Variants in F2 observed in about 807,000 individuals in gnomAD.
F2 encodes coagulation factor II, thrombin.
A neutral mutation model predicts 81.9 loss-of-function variants in F2; 34 were observed. That is an observed-to-expected ratio of 0.42 (90% CI 0.32 to 0.55). The LOEUF is 0.55. Among genes scored for constraint, F2 ranks in the 20% least tolerant of loss-of-function variants. The pLI is 0.18. For missense variants in F2, 630 were observed against 833.4 expected (o/e 0.76, Z 3.00); for synonymous variants, 296 against 326.4 (o/e 0.91, Z 1.01).
chr11:46,726,583 C>T lies in F2; in HGVS notation c.960C>T (p.Tyr320=). The change falls in exon 8 of 14, where the codon TAC becomes TAT. Residue 320 remains tyrosine (Y), a synonymous_variant. Coordinates refer to ENST00000311907, the MANE Select transcript of F2 (RefSeq NM_000506.5). This position sits in a 1 kb window ranked among gnomAD's most constrained non-coding sequence, Gnocchi z 5.9. The part of the protein sequence containing the change: ...AIEGRTATSE[Y]QTFFNPRTFG... ...AAGGGCGTACCGCCACCAGTGAGTACCAGACTTTCTTCAATCCGAGGACCT... is the reference window on the plus strand; with the variant it reads ...AAGGGCGTACCGCCACCAGTGAGTATCAGACTTTCTTCAATCCGAGGACCT... 6.2e-7 allele frequency: 1 copy of T among 1,614,120 alleles called. No individual in the cohort carries two copies. Among genetic ancestry groups the T allele is most frequent in the South Asian group, 1.1e-5 (1 of 91,082 alleles).
rs1352908308 is a variant in F2 at position 46,731,586 on chromosome 11, AAAAG to A, written c.1654+2026_1654+2029del. Among the ~76,000 whole-genome samples, 3 of 152,040 alleles carry A rather than the reference AAAAG, an allele frequency of 2.0e-5. No homozygotes were observed. In the South Asian group the frequency reaches 6.2e-4, roughly 32 times the overall value. On this transcript the variant is annotated intron_variant, in intron 12 of 13. Transcript: ENST00000311907. ...GTCTTTTATAGGGAAAAAAAAAAAA[AAAAG>A]CGTGTTTCTCACCCAGGATTCAATG...
chr11:46,728,731 C>A lies in F2; in HGVS notation c.1366C>A (p.Arg456=), dbSNP rs139552841. 1 of 1,614,078 alleles carries A rather than the reference C, an allele frequency of 6.2e-7. No homozygotes were observed. The highest frequency in any genetic ancestry group is 8.5e-7 in the Non-Finnish European group (1 of 1,180,040). The change falls in exon 11 of 14, where the codon CGG becomes AGG. Residue 456 remains arginine, a synonymous_variant. Coordinates refer to ENST00000311907, the MANE Select transcript of F2 (RefSeq NM_000506.5). The surrounding 1 kb of genome is among the most constrained non-coding windows in gnomAD (Gnocchi z 5.1). ...CTACATCCACCCCAGGTACAACTGG[C>A]GGGAGAACCTGGACCGGGACATTGC... The part of the protein sequence containing the change: ...KIYIHPRYNW[R]ENLDRDIALM...
At chr11:46,737,158 T>C (rs1441701063) in intron 12 of F2, among the ~76,000 whole-genome samples, 1 of 152,142 alleles carries the variant, frequency 6.6e-6, no homozygotes, top group African/African-American at 2.4e-5. Context: ...TTTCTTTTTT[T>C]TGAGATGGAG....
rs1208230115 is a variant in F2, at chr11:46,719,877, C to T, written c.240+15C>T. The T allele has an allele frequency of 2.6e-6, 4 of 1,556,210 alleles. No homozygotes were observed. The highest frequency in any genetic ancestry group is 3.5e-6 in the Non-Finnish European group (4 of 1,151,556). On this transcript the variant is annotated intron_variant, in intron 2 of 13. Transcript: ENST00000311907. This position sits in a 1 kb window ranked among gnomAD's most constrained non-coding sequence, Gnocchi z 4.7. Reference sequence around the variant, plus strand: ...CCACGGCTACGGTGAGCCTGGGCTGCTCGGACGGTGCCGGGGCCTCAGACC... The same window carrying T: ...CCACGGCTACGGTGAGCCTGGGCTGTTCGGACGGTGCCGGGGCCTCAGACC...
At chr11:46,737,746 T>C (rs2064953238) in intron 12 of F2, among the ~76,000 whole-genome samples, 1 of 152,004 alleles carries the variant, frequency 6.6e-6, no homozygotes, top group South Asian at 2.1e-4. Flanking sequence ...CCAGGCCTAT[T>C]ATTTTTCTAT....
chr11:46,730,069 G>T (rs572903450), intron 12 of F2, among the ~76,000 whole-genome samples: 1 of 152,282 alleles, frequency 6.6e-6, no homozygotes, highest in East Asian at 1.9e-4. Context: ...GCCAGACAAG[G>T]TGGGCAGATC....
intron 12 of F2, among the ~76,000 whole-genome samples, chr11:46,735,439 C>CAA (rs1257648028): frequency 7.0e-6 from 1 of 142,026 alleles, no homozygotes; most frequent in African/African-American, 2.6e-5. Flanking sequence ...GACTCCATCT[C>CAA]AAAAAAAAAA....
rs569605236 is a variant in F2, at chr11:46,727,085, G to T, written c.1130+248G>T. 1.6e-4 allele frequency among the ~76,000 whole-genome samples: 24 copies of T among 152,224 alleles called. No homozygotes were observed. The South Asian group carries it at 3.7e-3, about 24-fold the overall frequency. ...TGCTGCAATCTCGGCTCACTACCTC[G>T]ATCTCAGCTCACTGCAACTTCTGCC... On this transcript the variant is annotated intron_variant, in intron 9 of 13. Transcript: ENST00000311907.
At position 46,720,840 on chromosome 11, in the gene F2, G is replaced by A. The variant is rs2064831516; in HGVS notation, c.316G>A (p.Gly106Ser). Residue 106 changes from glycine (G) to serine (S), a missense_variant and splice_region_variant, in exon 4 of 14, where the codon GGT becomes AGT. Transcript: ENST00000311907. ...AGATAAGCTTGCTGCATGTCTGGAA[G>A]GTGAGCAACTGACACGGGTTTGGGG... Reference protein sequence around the residue: ...PRDKLAACLEGNCAEGLGTNY... With the variant: ...PRDKLAACLESNCAEGLGTNY... The A allele has an allele frequency of 1.9e-6, 3 of 1,613,974 alleles. No individual in the cohort carries two copies. The South Asian group carries it at 3.3e-5, about 18-fold the overall frequency.
chr11:46,724,777 T>TC (rs1181194876), intron 6 of F2, among the ~76,000 whole-genome samples: 1 of 151,708 alleles, frequency 6.6e-6, no homozygotes, highest in East Asian at 1.9e-4. Flanking sequence ...CTTTTTTTTT[T>TC]TTCTTTCTAA....
At chr11:46,721,945 T>A (rs1211303186) in intron 4 of F2, among the ~76,000 whole-genome samples, 1 of 151,526 alleles carries the variant, frequency 6.6e-6, no homozygotes, top group African/African-American at 2.4e-5. Flanking sequence ...CGGATTCAAG[T>A]GATTCTCCTG....
Position 46,723,277 on chromosome 11 carries a change from T to A in F2, c.414T>A (p.His138Gln). The A allele has an allele frequency of 6.2e-7, 1 of 1,613,984 alleles. No homozygotes were observed. The highest frequency in any genetic ancestry group is 8.5e-7 in the Non-Finnish European group (1 of 1,179,976). ...AGCTATGGAGGAGTCGCTACCCACA[T>A]AAGCCTGAGTGAGTGAGGGGCCGGC... ...ECQLWRSRYP[H>Q]KPEINSTTHP... Residue 138 changes from histidine to glutamine, a missense_variant, in exon 5 of 14, where the codon CAT (histidine) becomes CAA (glutamine). Transcript: ENST00000311907. The surrounding 1 kb of genome is among the most constrained non-coding windows in gnomAD (Gnocchi z 5.6).
Position 46,719,579 on chromosome 11 carries a change from A to G in F2, c.80-123A>G, listed in dbSNP as rs1592407536. 7.5e-7 allele frequency: 1 copy of G among 1,340,994 alleles called. No homozygotes were observed. The highest frequency in any genetic ancestry group is 1.0e-6 in the Non-Finnish European group (1 of 972,936). The allele number at this position is 1,340,994 out of a possible 1,614,324, so 83.1% of individuals were successfully genotyped here. A position where few individuals can be genotyped will look rare whatever the true frequency, so the allele number is the denominator to read the frequency against. ...ATTTAGCAGCCTTCCAGGCACTTCC[A>G]CCAGCCCAGACAGCCTCTCTCAGAA... is the stretch of plus-strand genomic sequence containing the variant. On this transcript the variant is annotated intron_variant, in intron 1 of 13. Transcript: ENST00000311907. The surrounding 1 kb of genome is among the most constrained non-coding windows in gnomAD (Gnocchi z 4.7).
In F2 at chr11:46,728,613, C is replaced by T; in HGVS notation, c.1299-51C>T. ...CCCAAGGGCAGGCAGTTTCCTGCTCCTTGCTGGGTGAACCTGCAGCTTCTC... is the reference window on the plus strand; with the variant it reads ...CCCAAGGGCAGGCAGTTTCCTGCTCTTTGCTGGGTGAACCTGCAGCTTCTC... On this transcript the variant is annotated intron_variant, in intron 10 of 13. Coordinates refer to ENST00000311907, the MANE Select transcript of F2 (RefSeq NM_000506.5). The surrounding 1 kb of genome is among the most constrained non-coding windows in gnomAD (Gnocchi z 5.1). 1 of 1,609,602 alleles carries T rather than the reference C, an allele frequency of 6.2e-7. No individual in the cohort carries two copies. The highest frequency in any genetic ancestry group is 8.5e-7 in the Non-Finnish European group (1 of 1,176,758).
intron 12 of F2, among the ~76,000 whole-genome samples, chr11:46,733,195 C>T (rs1161925153): frequency 6.6e-6 from 1 of 152,134 alleles, no homozygotes; most frequent in East Asian, 1.9e-4. Flanking sequence ...ATGCATTTGC[C>T]TATTTGAACA....
Position 46,726,137 on chromosome 11 carries a change from C to A in F2, c.838C>A (p.Pro280Thr), listed in dbSNP as rs752006910. 1.2e-6 allele frequency: 2 copies of A among 1,613,968 alleles called. No individual in the cohort carries two copies. Among genetic ancestry groups the A allele is most frequent in the Non-Finnish European group, 1.7e-6 (2 of 1,180,040 alleles). The change falls in exon 7 of 14, where the codon CCT (proline) becomes ACT (threonine). Residue 280 changes from proline (P) to threonine (T), a missense_variant. By Grantham distance (38) the Pro-to-Thr change is conservative. Transcript: ENST00000311907. This position sits in a 1 kb window ranked among gnomAD's most constrained non-coding sequence, Gnocchi z 5.9. The stretch of plus-strand genomic sequence containing the variant: ...CGTGTGGTGCTATGTGGCCGGGAAG[C>A]CTGGCGACTTTGGGTACTGCGACCT... The part of the protein sequence containing the change: ...EGVWCYVAGK[P>T]GDFGYCDLNY...
At position 46,728,546 on chromosome 11, in the gene F2, A is replaced by G. The variant is rs2064890808; in HGVS notation, c.1299-118A>G. 1 of 1,176,718 alleles carries G rather than the reference A, an allele frequency of 8.5e-7. No individual in the cohort carries two copies. The highest frequency in any genetic ancestry group is 1.2e-6 in the Non-Finnish European group (1 of 800,408). 72.9% of individuals were successfully genotyped at this position (1,176,718 alleles called of 1,614,324 possible). A position where few individuals can be genotyped will look rare whatever the true frequency, so the allele number is the denominator to read the frequency against. On this transcript the variant is annotated intron_variant, in intron 10 of 13. Transcript: ENST00000311907. The surrounding 1 kb of genome is among the most constrained non-coding windows in gnomAD (Gnocchi z 5.1). ...GGCTGCCATGGCAGGAACCAGCCCTATCCCCTCCCTGGTGGCCTGCAGGAC... is the reference window on the plus strand; with the variant it reads ...GGCTGCCATGGCAGGAACCAGCCCTGTCCCCTCCCTGGTGGCCTGCAGGAC...
Position 46,728,528 on chromosome 11 carries a change from A to G in F2, c.1299-136A>G. ...AGGAAGAAACACCCAGGGGGCTGCCATGGCAGGAACCAGCCCTATCCCCTC... is the reference window on the plus strand; with the variant it reads ...AGGAAGAAACACCCAGGGGGCTGCCGTGGCAGGAACCAGCCCTATCCCCTC... On this transcript the variant is annotated intron_variant, in intron 10 of 13. Coordinates refer to ENST00000311907, the MANE Select transcript of F2 (RefSeq NM_000506.5). This position sits in a 1 kb window ranked among gnomAD's most constrained non-coding sequence, Gnocchi z 5.1. 1.0e-6 allele frequency: 1 copy of G among 988,176 alleles called. No homozygotes were observed. 61.2% of individuals were successfully genotyped at this position (988,176 alleles called of 1,614,324 possible). A position where few individuals can be genotyped will look rare whatever the true frequency, so the allele number is the denominator to read the frequency against.
At position 46,726,850 on chromosome 11, in the gene F2, G is replaced by A; in HGVS notation, c.1130+13G>A. ...GCATGTCACCTTGGTGTGTCCTGGA[G>A]CCCTGCGCTACCATTCACTCCTGGG... On this transcript the variant is annotated intron_variant, in intron 9 of 13. Transcript: ENST00000311907. The surrounding 1 kb of genome is among the most constrained non-coding windows in gnomAD (Gnocchi z 5.9). The A allele has an allele frequency of 6.2e-7, 1 of 1,613,532 alleles. No homozygotes were observed. The highest frequency in any genetic ancestry group is 8.5e-7 in the Non-Finnish European group (1 of 1,179,498).
Sources: gnomAD v4.1 joint callset for allele counts (sites outside exome capture counted in the v4.1 genomes callset) on GRCh38, gnomAD v4.1.1 for gene constraint, Gnocchi (gnomAD v3.1) non-coding constraint, MANE v1.5 for transcripts, NCBI Gene and HGNC (gene_info 2026-07-23, HGNC 2026-07-21) for gene names.